Variants in ZPR1 observed in about 807,000 individuals in gnomAD.
ZPR1 encodes the protein ZPR1 zinc finger.
A neutral mutation model predicts 59.6 loss-of-function variants in ZPR1; 37 were observed. The observed-to-expected ratio is 0.62, with a 90% confidence interval of 0.48 to 0.82. The LOEUF is 0.82. ZPR1 is among the 40% of genes least tolerant of loss of function. ZPR1 has a pLI of 0.00. For missense variants in ZPR1, 527 were observed against 579.9 expected (o/e 0.91, Z 0.94); for synonymous variants, 191 against 215.2 (o/e 0.89, Z 0.99).
chr11:116,783,893 TGAAA>T (rs550734731), intron 9 of ZPR1, among the ~76,000 whole-genome samples: 109 of 151,418 alleles, frequency 7.2e-4, no homozygotes, highest in Non-Finnish European at 1.1e-3. Flanking sequence ...CTTTTGGGGT[TGAAA>T]GAGACTTTTA....
At position 116,784,367 on chromosome 11, in the gene ZPR1, C is replaced by T. The variant is rs780461230; in HGVS notation, c.891+11G>A. On this transcript the variant is annotated intron_variant, in intron 9 of 13. Transcript: ENST00000227322. ...AGCTAGTCTTCTTCCCAAATAATGG[C>T]GCCCACCCACCTCATTGGTCCGATG... The T allele has an allele frequency of 4.3e-6, 7 of 1,613,678 alleles. No individual in the cohort carries two copies. Among genetic ancestry groups the T allele is most frequent in the Non-Finnish European group, 5.9e-6 (7 of 1,179,840 alleles).
Position 116,778,258 on chromosome 11 carries a change from T to C in ZPR1, c.*667A>G, listed in dbSNP as rs1046856782. 6.6e-6 allele frequency: 1 copy of C among 152,282 alleles called. No individual in the cohort carries two copies. The highest frequency in any genetic ancestry group is 1.5e-5 in the Non-Finnish European group (1 of 68,074). 9.4% of individuals were successfully genotyped at this position (152,282 alleles called of 1,614,324 possible). On this transcript the variant is annotated 3_prime_UTR_variant, in exon 14 of 14. Coordinates refer to ENST00000227322, the MANE Select transcript of ZPR1 (RefSeq NM_003904.5). Reference sequence around the variant, plus strand: ...TTCAAGTTCCATGAAAGAGATTTATTTTGTCCTCTGTTCTGTGGTGTGCTT... The same window carrying C: ...TTCAAGTTCCATGAAAGAGATTTATCTTGTCCTCTGTTCTGTGGTGTGCTT...
Position 116,778,720 on chromosome 11 carries a change from A to G in ZPR1, c.*205T>C, listed in dbSNP as rs186875749. ...CCTAGGCCAATTCAAAACTTCCAAAATAAGGTCAAGTAACACAATAGGCTC... is the reference window on the plus strand; with the variant it reads ...CCTAGGCCAATTCAAAACTTCCAAAGTAAGGTCAAGTAACACAATAGGCTC... On this transcript the variant is annotated 3_prime_UTR_variant, in exon 14 of 14. Coordinates refer to ENST00000227322, the MANE Select transcript of ZPR1 (RefSeq NM_003904.5). The G allele has an allele frequency of 1.1e-3, 683 of 635,754 alleles. 10 individuals are homozygous for G. Among genetic ancestry groups the G allele is most frequent in the Non-Finnish European group, 1.6e-4 (62 of 396,654 alleles). The allele number at this position is 635,754 out of a possible 1,614,324, so 39.4% of individuals were successfully genotyped here.
In ZPR1 at chr11:116,774,439, A is replaced by AATT. The variant is rs1940695074; in HGVS notation, c.*4485_*4486insAAT. On this transcript the variant is annotated 3_prime_UTR_variant, in exon 14 of 14. Transcript: ENST00000227322. ...ACAACTACACAAAAGTGCAAACAAT[A>AATT]GTTTCTTGGACCAAGAGTCAAAAAG... is the stretch of plus-strand genomic sequence containing the variant. 6.6e-6 allele frequency: 1 copy of AATT among 152,166 alleles called. No homozygotes were observed. The highest frequency in any genetic ancestry group is 1.5e-5 in the Non-Finnish European group (1 of 68,034). 9.4% of individuals were successfully genotyped at this position (152,166 alleles called of 1,614,324 possible).
chr11:116,774,460 A>G lies in ZPR1; in HGVS notation c.*4465T>C, dbSNP rs1591305540. The G allele has an allele frequency of 6.6e-6, 1 of 152,142 alleles. No individual in the cohort carries two copies. Among genetic ancestry groups the G allele is most frequent in the Admixed American group, 6.5e-5 (1 of 15,276 alleles). The allele number at this position is 152,142 out of a possible 1,614,324, so 9.4% of individuals were successfully genotyped here. A position where few individuals can be genotyped will look rare whatever the true frequency, so the allele number is the denominator to read the frequency against. On this transcript the variant is annotated 3_prime_UTR_variant, in exon 14 of 14. Transcript: ENST00000227322. ...CAATAGTTTCTTGGACCAAGAGTCA[A>G]AAAGGTCACTTTTTTAATATATTAG...
chr11:116,785,431 G>A (rs768428280), intron 6 of ZPR1, 83 bp downstream of exon 6: 4 of 1,562,788 alleles, frequency 2.6e-6, no homozygotes, highest in Non-Finnish European at 2.6e-6. Flanking sequence ...AGCAGCAGCA[G>A]CAAAATAAGT....
At chr11:116,784,602 G>A in intron 8 of ZPR1, 154 bp from the exon 9 acceptor site, 2 of 854,496 alleles carry the variant, frequency 2.3e-6, no homozygotes, top group East Asian at 5.2e-5. Flanking sequence ...AAGAGGGCAA[G>A]TTCCCAACCC....
In ZPR1 at chr11:116,779,957, A is replaced by G. The variant is rs533503590; in HGVS notation, c.1180-120T>C. The G allele has an allele frequency of 1.8e-4, 96 of 537,428 alleles. 1 individual carries two copies. The highest frequency in any genetic ancestry group is 2.8e-4 in the Non-Finnish European group (81 of 290,982). The allele number at this position is 537,428 out of a possible 1,614,324, so 33.3% of individuals were successfully genotyped here. Reference sequence around the variant, plus strand: ...TATACCTAATGTAAATGACTAGTTAATGGGTACAGCACACCAACATGGCAC... The same window carrying G: ...TATACCTAATGTAAATGACTAGTTAGTGGGTACAGCACACCAACATGGCAC... On this transcript the variant is annotated intron_variant, in intron 12 of 13. Coordinates refer to ENST00000227322, the MANE Select transcript of ZPR1 (RefSeq NM_003904.5).
chr11:116,785,084 G>C lies in ZPR1; in HGVS notation c.753+15C>G, dbSNP rs1388816906. The C allele has an allele frequency of 6.2e-7, 1 of 1,614,124 alleles. No homozygotes were observed. On this transcript the variant is annotated intron_variant, in intron 7 of 13. Transcript: ENST00000227322. ...CAACTCTGCTCCTTCCTCACCAGTA[G>C]CCAATGTGACTCACTTCATTTCTGA...
intron 3 of ZPR1, among the ~76,000 whole-genome samples, 154 bp from the exon 4 acceptor site, chr11:116,786,735 T>A (rs532925281): frequency 1.3e-5 from 2 of 152,342 alleles, no homozygotes; most frequent in East Asian, 3.9e-4. Context: ...TCATGTCTGA[T>A]AATAGTGATG....
rs904378386 is a variant in ZPR1, at chr11:116,779,638, T to C, written c.1245+134A>G. ...ACCCCCCTCTTTTCTCCCTTATGTA[T>C]CTTCTAACTTCTGCCTCCTTGGTAA... On this transcript the variant is annotated intron_variant, in intron 13 of 13. Coordinates refer to ENST00000227322, the MANE Select transcript of ZPR1 (RefSeq NM_003904.5). The C allele has an allele frequency of 3.3e-4, 200 of 614,174 alleles. 5 individuals are homozygous for C. Among genetic ancestry groups the C allele is most frequent in the South Asian group, 2.2e-3 (82 of 37,004 alleles). The allele number at this position is 614,174 out of a possible 1,614,324, so 38.0% of individuals were successfully genotyped here.
At position 116,787,500 on chromosome 11, in the gene ZPR1, C is replaced by A. The variant is rs765886389; in HGVS notation, c.315G>T (p.Leu105Phe). 3.1e-6 allele frequency: 5 copies of A among 1,613,840 alleles called. No individual in the cohort carries two copies. The highest frequency in any genetic ancestry group is 3.4e-6 in the Non-Finnish European group (4 of 1,179,876). ...CTCTCACCTCCAGAGCCCTGACAGA[C>A]AAAGTGTAGCGCACTCCCTGGTCCT... The part of the protein sequence containing the change: ...RIQDQGVRYT[L>F]SVRALEDMNR... The change falls in exon 2 of 14, where the codon TTG becomes TTT. Residue 105 changes from leucine to phenylalanine, a missense_variant. Coordinates refer to ENST00000227322, the MANE Select transcript of ZPR1 (RefSeq NM_003904.5).
In ZPR1 at chr11:116,776,158, G is replaced by C. The variant is rs1427134856; in HGVS notation, c.*2767C>G. 1 of 152,210 alleles carries C rather than the reference G, an allele frequency of 6.6e-6. No individual in the cohort carries two copies. The highest frequency in any genetic ancestry group is 2.4e-5 in the African/African-American group (1 of 41,448). 9.4% of individuals were successfully genotyped at this position (152,210 alleles called of 1,614,324 possible). A position where few individuals can be genotyped will look rare whatever the true frequency, so the allele number is the denominator to read the frequency against. On this transcript the variant is annotated 3_prime_UTR_variant, in exon 14 of 14. Transcript: ENST00000227322. Reference sequence around the variant, plus strand: ...CTGTATGTTCGTCCACACGTCTAATGACCGAACATGGCTGCATTTCACATA... The same window carrying C: ...CTGTATGTTCGTCCACACGTCTAATCACCGAACATGGCTGCATTTCACATA...
Position 116,787,954 on chromosome 11 carries a change from C to G in ZPR1, c.37G>C (p.Gly13Arg), listed in dbSNP as rs1407314823. The G allele has an allele frequency of 1.4e-5, 21 of 1,458,508 alleles. No individual in the cohort carries two copies. Among genetic ancestry groups the G allele is most frequent in the Admixed American group, 2.7e-5 (1 of 36,604 alleles). 90.3% of individuals were successfully genotyped at this position (1,458,508 alleles called of 1,614,324 possible). A position where few individuals can be genotyped will look rare whatever the true frequency, so the allele number is the denominator to read the frequency against. The change falls in exon 1 of 14, where the codon GGG becomes CGG. Residue 13 changes from glycine (G) to arginine (R), a missense_variant. Gly to Arg is a moderately radical substitution (Grantham distance 125, BLOSUM62 -2). Coordinates refer to ENST00000227322, the MANE Select transcript of ZPR1 (RefSeq NM_003904.5). ...ASGAVEPGPP[G>R]AAVAPSPAPA... ...GCGGGCGACGGGGCGACGGCAGCCC[C>G]CGGGGGCCCTGGTTCCACAGCCCCG...
rs914961875 is a variant in ZPR1 at position 116,776,911 on chromosome 11, G to A, written c.*2014C>T. On this transcript the variant is annotated 3_prime_UTR_variant, in exon 14 of 14. Transcript: ENST00000227322. ...ACATACCTAGAGATAATCTCTTAGG[G>A]TAGAATAGTTGCCTGTGAGAAGTTT... 6.6e-6 allele frequency: 1 copy of A among 152,208 alleles called. No individual in the cohort carries two copies. The highest frequency in any genetic ancestry group is 6.5e-5 in the Admixed American group (1 of 15,278). 9.4% of individuals were successfully genotyped at this position (152,208 alleles called of 1,614,324 possible).
At chr11:116,787,382 G>C in intron 2 of ZPR1, 100 bp downstream of exon 2, 1 of 1,254,738 alleles carries the variant, frequency 8.0e-7, no homozygotes, top group Non-Finnish European at 1.1e-6. Flanking sequence ...AGGAGACATA[G>C]GGGGATTTAT....
chr11:116,783,796 A>T (rs1940845884), intron 9 of ZPR1, among the ~76,000 whole-genome samples, 177 bp from the exon 10 acceptor site: 1 of 151,580 alleles, frequency 6.6e-6, no homozygotes, highest in Non-Finnish European at 1.5e-5. Flanking sequence ...GGCCAGGAAC[A>T]GTGCCCAACC....
intron 12 of ZPR1, 72 bp downstream of exon 12, chr11:116,782,086 G>T: frequency 1.7e-6 from 2 of 1,144,694 alleles, no homozygotes; most frequent in Non-Finnish European, 2.6e-6. Context: ...AAAGTGGCAA[G>T]ACATGAGCAT....
At chr11:116,785,273 T>C (rs1940866923) in intron 6 of ZPR1, 127 bp from the exon 7 acceptor site, 5 of 1,165,490 alleles carry the variant, frequency 4.3e-6, no homozygotes, top group Admixed American at 4.0e-5. Flanking sequence ...CCTCATCAGT[T>C]AGAGAAACCA....
Sources: gnomAD v4.1 joint callset for allele counts (sites outside exome capture counted in the v4.1 genomes callset) on GRCh38, gnomAD v4.1.1 for gene constraint, MANE v1.5 for transcripts, NCBI Gene and HGNC (gene_info 2026-07-23, HGNC 2026-07-21) for gene names.